CD47: variants seen among roughly 807,000 people sequenced by gnomAD.
The protein encoded by CD47 is CD47 molecule, also known as leukocyte surface antigen CD47.
CD47 carries 11 observed loss-of-function variants against 44.6 expected under a neutral mutation model. The observed-to-expected ratio is 0.25, with a 90% confidence interval of 0.16 to 0.41. The LOEUF is 0.41. Ranked by LOEUF, CD47 falls within the 10% of genes least tolerant of loss-of-function variation. The pLI, the probability that CD47 is intolerant of heterozygous loss-of-function variation, is 1.00. For synonymous variants in CD47, 140 were observed against 136.3 expected (o/e 1.03, Z -0.19); for missense variants, 306 against 386.7 (o/e 0.79, Z 1.75).
chr3:108,074,195 A>T (rs1175487221), intron 2 of CD47, among the ~76,000 whole-genome samples: 1 of 152,244 alleles, frequency 6.6e-6, no homozygotes, highest in Admixed American at 6.5e-5. Context: ...CGTAAATTAG[A>T]TGATGAGATA....
intron 5 of CD47, among the ~76,000 whole-genome samples, chr3:108,058,926 T>TAAATATGGTAGTGATCTACTTTC (rs1259461590): frequency 1.3e-5 from 2 of 152,292 alleles, no homozygotes; most frequent in African/African-American, 2.4e-5. Context: ...TAGTAATAAC[T>TAAATATGGTAGTGATCTACTTTC]AAATATGGTA....
intron 10 of CD47, among the ~76,000 whole-genome samples, chr3:108,048,010 T>G (rs1030430846): frequency 6.6e-6 from 1 of 151,520 alleles, no homozygotes; most frequent in Non-Finnish European, 1.5e-5. Flanking sequence ...AGTTTCTTCA[T>G]ACAGCTACAG....
intron 8 of CD47, 73 bp downstream of exon 8, chr3:108,051,866 T>C: frequency 9.0e-7 from 1 of 1,114,048 alleles, no homozygotes; most frequent in East Asian, 2.4e-5. Context: ...TAGCAAAATA[T>C]CTCAATTACC....
chr3:108,043,774 C>T lies in CD47; in HGVS notation c.*3514G>A, dbSNP rs2078668961. On this transcript the variant is annotated 3_prime_UTR_variant, in exon 11 of 11. Transcript: ENST00000361309. Reference sequence around the variant, plus strand: ...CAGAGGAGCTTAGTACAAATGCTTTCTTTTTTTCAAAAAGAGAAATTTATG... The same window carrying T: ...CAGAGGAGCTTAGTACAAATGCTTTTTTTTTTTCAAAAAGAGAAATTTATG... 3 of 152,492 alleles carry T rather than the reference C, an allele frequency of 2.0e-5. No homozygotes were observed. Among genetic ancestry groups the T allele is most frequent in the South Asian group, 2.1e-4 (1 of 4,834 alleles). 9.4% of individuals were successfully genotyped at this position (152,492 alleles called of 1,614,324 possible).
chr3:108,045,340 C>T lies in CD47; in HGVS notation c.*1948G>A, dbSNP rs573771728. 2.0e-5 allele frequency: 3 copies of T among 152,694 alleles called. No homozygotes were observed. The highest frequency in any genetic ancestry group is 4.1e-4 in the South Asian group (2 of 4,822). 9.5% of individuals were successfully genotyped at this position (152,694 alleles called of 1,614,324 possible). ...TTTTCAAGTCCATCTGCTTTTCCCTCCTTTCATCAAAACTGATTTTTAAAG... is the reference window on the plus strand; with the variant it reads ...TTTTCAAGTCCATCTGCTTTTCCCTTCTTTCATCAAAACTGATTTTTAAAG... On this transcript the variant is annotated 3_prime_UTR_variant, in exon 11 of 11. Coordinates refer to ENST00000361309, the MANE Select transcript of CD47 (RefSeq NM_001777.4).
chr3:108,081,922 C>T (rs1346118136), intron 1 of CD47, among the ~76,000 whole-genome samples: 1 of 151,922 alleles, frequency 6.6e-6, no homozygotes, highest in Non-Finnish European at 1.5e-5. Flanking sequence ...CACAGCTCAC[C>T]TCTTCCCAGT....
intron 3 of CD47, among the ~76,000 whole-genome samples, chr3:108,063,379 A>C (rs764828396): frequency 6.6e-6 from 1 of 152,160 alleles, no homozygotes; most frequent in Non-Finnish European, 1.5e-5. Context: ...GGTTTTCTTC[A>C]GTGAATCTTC....
At chr3:108,075,609 C>T (rs2079296031) in intron 2 of CD47, among the ~76,000 whole-genome samples, 1 of 152,152 alleles carries the variant, frequency 6.6e-6, no homozygotes, top group African/African-American at 2.4e-5. Flanking sequence ...CTAAGGTGGT[C>T]CCAAAACCCC....
At chr3:108,087,692 T>C in intron 1 of CD47, among the ~76,000 whole-genome samples, 1 of 152,174 alleles carries the variant, frequency 6.6e-6, no homozygotes, top group South Asian at 2.1e-4. Context: ...AAGTGTGATA[T>C]ATATTCAAAT....
intron 9 of CD47, 126 bp from the exon 10 acceptor site, chr3:108,049,777 G>T: frequency 1.4e-6 from 1 of 701,460 alleles, no homozygotes; most frequent in Non-Finnish European, 2.6e-6. Flanking sequence ...TAATTGTAAA[G>T]CTATCATTTC....
chr3:108,053,062 C>T (rs78567403), intron 7 of CD47: 5,377 of 152,406 alleles, frequency 0.035, 222 homozygotes, highest in East Asian at 0.22. Flanking sequence ...AACCACTCAG[C>T]AGGAGGGGGA....
At chr3:108,047,364 TAA>T in intron 10 of CD47, 72 bp from the exon 11 acceptor site, 1 of 1,250,556 alleles carries the variant, frequency 8.0e-7, no homozygotes, top group Admixed American at 1.9e-5. Context: ...GTTGACACAT[TAA>T]AAAAAGTTTC....
chr3:108,082,262 T>A (rs1055986900), intron 1 of CD47, among the ~76,000 whole-genome samples: 9 of 152,004 alleles, frequency 5.9e-5, no homozygotes, highest in African/African-American at 1.9e-4. Flanking sequence ...TTGACTGGGC[T>A]GTTTTACAGT....
chr3:108,051,991 G>C (rs768222038), intron 7 of CD47, 21 bp from the exon 8 acceptor site: 46 of 1,131,660 alleles, frequency 4.1e-5, no homozygotes, highest in Non-Finnish European at 5.8e-5. Context: ...TAACAAATAA[G>C]AATATAAATT....
intron 1 of CD47, among the ~76,000 whole-genome samples, chr3:108,088,041 A>G (rs931753315): frequency 6.6e-6 from 1 of 152,208 alleles, no homozygotes; most frequent in African/African-American, 2.4e-5. Flanking sequence ...ATAACCCAAG[A>G]CGATATTATT....
intron 2 of CD47, among the ~76,000 whole-genome samples, chr3:108,075,631 T>C (rs2079296800): frequency 6.6e-6 from 1 of 152,224 alleles, no homozygotes; most frequent in South Asian, 2.1e-4. Context: ...GCCCTAGCCA[T>C]GCATCTTTTA....
chr3:108,091,009 G>T lies in CD47; in HGVS notation c.-101C>A. The T allele has an allele frequency of 1.2e-6, 1 of 807,778 alleles. No individual in the cohort carries two copies. Among genetic ancestry groups the T allele is most frequent in the Non-Finnish European group, 1.7e-6 (1 of 582,510 alleles). The allele number at this position is 807,778 out of a possible 1,614,324, so 50.0% of individuals were successfully genotyped here. ...GACCGACCGCCGCCGCGCGTCACAG[G>T]CAGGACCCACTGCCCAGGCTGCACG... On this transcript the variant is annotated 5_prime_UTR_variant, in exon 1 of 11. Transcript: ENST00000361309.
At chr3:108,082,107 A>G (rs555010796) in intron 1 of CD47, among the ~76,000 whole-genome samples, 1 of 152,122 alleles carries the variant, frequency 6.6e-6, no homozygotes, top group East Asian at 1.9e-4. Context: ...CAAATTATAA[A>G]GGAAGGAAAG....
At chr3:108,047,894 T>C (rs954169043) in intron 10 of CD47, among the ~76,000 whole-genome samples, 7 of 152,216 alleles carry the variant, frequency 4.6e-5, no homozygotes, top group African/African-American at 1.4e-4. Flanking sequence ...TGTTTTACAA[T>C]ATTTCCTGAT....
Sources: allele counts gnomAD v4.1 joint callset (sites outside exome capture counted in the v4.1 genomes callset), GRCh38; gene constraint gnomAD v4.1.1; transcripts MANE v1.5; gene names NCBI Gene and HGNC (gene_info 2026-07-23, HGNC 2026-07-21).